MRPL13: variants seen among roughly 807,000 people sequenced by gnomAD.
MRPL13 encodes the protein large ribosomal subunit protein uL13m.
Under a neutral mutation model 29.0 loss-of-function variants are expected in MRPL13, and 33 were observed. The observed-to-expected ratio is 1.14, with a 90% CI of 0.86 to 1.52. MRPL13 has a LOEUF of 1.52. Ranked by LOEUF, MRPL13 falls within the 40% of genes most tolerant of loss-of-function variation. The probability of loss-of-function intolerance (pLI) is 0.00; values close to 1 mark genes in which losing one functional copy is unlikely to be tolerated. For missense variants in MRPL13, 227 were observed against 216.7 expected, an observed-to-expected ratio of 1.05 and a Z score of -0.30; for synonymous variants, 77 against 68.4, an observed-to-expected ratio of 1.13 and a Z score of -0.62.
At chr8:120,402,375 G>C (rs781738407) in intron 6 of MRPL13, among the ~76,000 whole-genome samples, 1 of 151,968 alleles carries the variant, frequency 6.6e-6, no homozygotes, top group Admixed American at 6.6e-5. Context: ...ATCTTCGACA[G>C]ACCTCACAAA....
intron 2 of MRPL13, among the ~76,000 whole-genome samples, chr8:120,435,196 T>C (rs1216627921): frequency 6.6e-6 from 1 of 152,154 alleles, no homozygotes; most frequent in East Asian, 1.9e-4. Flanking sequence ...GCAATGAATG[T>C]AACTGAAAAA....
chr8:120,421,256 A>C (rs1029849341), intron 4 of MRPL13, among the ~76,000 whole-genome samples: 1 of 151,922 alleles, frequency 6.6e-6, no homozygotes, highest in African/African-American at 2.4e-5. Context: ...GAACCTCTTA[A>C]AGAAGCTAAA....
At chr8:120,429,989 C>T (rs1228810913) in intron 3 of MRPL13, among the ~76,000 whole-genome samples, 1 of 152,146 alleles carries the variant, frequency 6.6e-6, no homozygotes, top group African/African-American at 2.4e-5. Flanking sequence ...ACGCCGGGTG[C>T]AGTGGCTCAC....
At chr8:120,432,579 A>G (rs1256152854) in intron 2 of MRPL13, among the ~76,000 whole-genome samples, 1 of 152,144 alleles carries the variant, frequency 6.6e-6, no homozygotes, top group African/African-American at 2.4e-5. Context: ...AATTGAAAAC[A>G]TATGTAAAAC....
chr8:120,397,385 T>C (rs1380602829), intron 6 of MRPL13, among the ~76,000 whole-genome samples: 3 of 152,142 alleles, frequency 2.0e-5, no homozygotes, highest in Non-Finnish European at 2.9e-5. Flanking sequence ...CGGGCCCCAC[T>C]TCCATGGCAT....
chr8:120,444,898 A>T, intron 1 of MRPL13, 170 bp downstream of exon 1: 1 of 564,308 alleles, frequency 1.8e-6, no homozygotes, highest in Non-Finnish European at 3.2e-6. Context: ...CAGACGAACG[A>T]CATTAAGTGC....
intron 6 of MRPL13, 105 bp from the exon 7 acceptor site, chr8:120,396,230 G>T: frequency 1.2e-6 from 1 of 831,438 alleles, no homozygotes; most frequent in Non-Finnish European, 1.9e-6. Flanking sequence ...TGTTCACCAA[G>T]AAATAGCTAC....
chr8:120,403,724 A>C lies in MRPL13; in HGVS notation c.516-7599T>G, dbSNP rs1049214994. On this transcript the variant is annotated intron_variant, in intron 6 of 6. Transcript: ENST00000306185. Reference sequence around the variant, plus strand: ...AAAAAGTAGATGACTTTGTTTGCCCAAAAACAACTTAATCTACTAGTCCTT... The same window carrying C: ...AAAAAGTAGATGACTTTGTTTGCCCCAAAACAACTTAATCTACTAGTCCTT... Among the ~76,000 whole-genome samples, 23 of 152,318 alleles carry C rather than the reference A, an allele frequency of 1.5e-4. 1 individual carries two copies. The highest frequency in any genetic ancestry group is 1.1e-3 in the Admixed American group (17 of 15,294).
intron 3 of MRPL13, among the ~76,000 whole-genome samples, chr8:120,429,783 A>G (rs562491995): frequency 2.0e-5 from 3 of 152,208 alleles, no homozygotes. Context: ...TATCCCTGAT[A>G]TAAAATGGCA....
chr8:120,431,557 T>C (rs140344892), intron 3 of MRPL13, among the ~76,000 whole-genome samples: 3 of 152,250 alleles, frequency 2.0e-5, no homozygotes, highest in African/African-American at 7.2e-5. Flanking sequence ...GAAGATTGCC[T>C]AACTGAAAAA....
Position 120,431,268 on chromosome 8 carries a change from C to T in MRPL13, c.245+762G>A, listed in dbSNP as rs1812992631. ...ACATTTCTAACCATAACTTGAGTAA[C>T]AGTATAGAAAGTACACTTAATTAAA... On this transcript the variant is annotated intron_variant, in intron 3 of 6. Transcript: ENST00000306185. Among the ~76,000 whole-genome samples the T allele has an allele frequency of 5.3e-5, 8 of 152,192 alleles. No individual in the cohort carries two copies. The South Asian group carries it at 1.7e-3, about 31-fold the overall frequency.
At position 120,429,936 on chromosome 8, in the gene MRPL13, T is replaced by C. The variant is rs185309584; in HGVS notation, c.245+2094A>G. On this transcript the variant is annotated intron_variant, in intron 3 of 6. Coordinates refer to ENST00000306185, the MANE Select transcript of MRPL13 (RefSeq NM_014078.6). ...AGGGAATAATGACAAGAAAAACGTCTGTACATGTTCAGTATTGACACAATT... is the reference window on the plus strand; with the variant it reads ...AGGGAATAATGACAAGAAAAACGTCCGTACATGTTCAGTATTGACACAATT... 9.2e-3 allele frequency among the ~76,000 whole-genome samples: 1,399 copies of C among 152,268 alleles called. 9 individuals are homozygous for C. Among genetic ancestry groups the C allele is most frequent in the Non-Finnish European group, 0.015 (995 of 68,012 alleles).
At chr8:120,441,515 C>A (rs1355653961) in intron 2 of MRPL13, among the ~76,000 whole-genome samples, 1 of 152,064 alleles carries the variant, frequency 6.6e-6, no homozygotes, top group African/African-American at 2.4e-5. Flanking sequence ...TCCAGGGAAA[C>A]AAGTGAAGAA....
At chr8:120,408,019 C>T (rs1440762403) in intron 6 of MRPL13, among the ~76,000 whole-genome samples, 1 of 152,164 alleles carries the variant, frequency 6.6e-6, no homozygotes, top group Non-Finnish European at 1.5e-5. Flanking sequence ...AATCTGGTGA[C>T]ATCACATATT....
chr8:120,444,968 C>G, intron 1 of MRPL13, 100 bp downstream of exon 1: 2 of 1,547,534 alleles, frequency 1.3e-6, no homozygotes, highest in Non-Finnish European at 1.8e-6. Context: ...AGGGTCTCGG[C>G]TTCCCTGCCG....
Position 120,444,816 on chromosome 8 carries a change from C to T in MRPL13, c.27+252G>A. 6 of 580,294 alleles carry T rather than the reference C, an allele frequency of 1.0e-5. No homozygotes were observed. In the South Asian group the frequency reaches 1.2e-4, roughly 11 times the overall value. 35.9% of individuals were successfully genotyped at this position (580,294 alleles called of 1,614,324 possible). ...CACCTTATTACCTCTCCGATCTGCT[C>T]TAATCCTCTTCCCCCCGCCCCCCCA... On this transcript the variant is annotated intron_variant, in intron 1 of 6. Transcript: ENST00000306185.
intron 2 of MRPL13, 141 bp downstream of exon 2, chr8:120,443,044 T>C (rs1813141801): frequency 2.3e-6 from 2 of 867,110 alleles, no homozygotes; most frequent in African/African-American, 1.8e-5. Context: ...TGGGCGCTAG[T>C]ATGGTTTCAG....
chr8:120,444,537 T>C (rs930545835), intron 1 of MRPL13, among the ~76,000 whole-genome samples: 7 of 152,146 alleles, frequency 4.6e-5, no homozygotes, highest in African/African-American at 1.2e-4. Flanking sequence ...ACACACTCCA[T>C]AGTATTTCTA....
At chr8:120,444,536 A>G (rs1375333381) in intron 1 of MRPL13, among the ~76,000 whole-genome samples, 1 of 152,122 alleles carries the variant, frequency 6.6e-6, no homozygotes, top group Non-Finnish European at 1.5e-5. Flanking sequence ...AACACACTCC[A>G]TAGTATTTCT....
Sources: gnomAD v4.1 joint callset for allele counts (sites outside exome capture counted in the v4.1 genomes callset) on GRCh38, gnomAD v4.1.1 for gene constraint, MANE v1.5 for transcripts, NCBI Gene and HGNC (gene_info 2026-07-23, HGNC 2026-07-21) for gene names.